The following DIXDC1 variants were observed in gnomAD, a reference collection of about 807,000 sequenced individuals.
DIXDC1 encodes the protein DIX domain containing 1, also known as dixin.
In DIXDC1, 64 loss-of-function variants were observed where a neutral mutation model predicts 103.1. That is an observed-to-expected ratio of 0.62 (90% CI 0.51 to 0.76). DIXDC1 has a LOEUF of 0.76. DIXDC1 is among the 30% of genes least tolerant of loss of function. The probability of loss-of-function intolerance (pLI) is 0.00; values close to 1 mark genes in which losing one functional copy is unlikely to be tolerated. For missense variants in DIXDC1, 759 were observed against 834.2 expected (o/e 0.91, Z 1.11); for synonymous variants, 266 against 298.5 (o/e 0.89, Z 1.12).
At chr11:112,006,308 A>G (rs587656905) in intron 17 of DIXDC1, among the ~76,000 whole-genome samples, 13 of 152,172 alleles carry the variant, frequency 8.5e-5, no homozygotes, top group African/African-American at 1.4e-4. Flanking sequence ...GGAGCCCACC[A>G]CAGCTCAGCT....
At chr11:111,940,369 C>T (rs1966378021) in intron 1 of DIXDC1, among the ~76,000 whole-genome samples, 1 of 152,228 alleles carries the variant, frequency 6.6e-6, no homozygotes, top group African/African-American at 2.4e-5. Context: ...TACTGCCACC[C>T]TGGCTGTCAT....
chr11:111,942,991 T>C (rs1304923765), intron 1 of DIXDC1, among the ~76,000 whole-genome samples: 1 of 152,150 alleles, frequency 6.6e-6, no homozygotes, highest in Non-Finnish European at 1.5e-5. Context: ...GTCGTTCCAA[T>C]AAGAAGATGA....
At chr11:111,994,342 C>T (rs1860806421) in intron 14 of DIXDC1, among the ~76,000 whole-genome samples, 1 of 151,980 alleles carries the variant, frequency 6.6e-6, no homozygotes, top group Non-Finnish European at 1.5e-5. Flanking sequence ...GAGCTGAGAT[C>T]ATGCCACTGC....
intron 15 of DIXDC1, 88 bp from the exon 16 acceptor site, chr11:111,995,315 C>T (rs1454216766): frequency 1.3e-6 from 2 of 1,540,878 alleles, no homozygotes; most frequent in Non-Finnish European, 1.8e-6. Context: ...GAAAAATCTT[C>T]TGGAAACTTC....
At chr11:111,952,188 T>C (rs1966837771) in intron 1 of DIXDC1, among the ~76,000 whole-genome samples, 1 of 152,086 alleles carries the variant, frequency 6.6e-6, no homozygotes, top group African/African-American at 2.4e-5. Context: ...TTCTTCCCAG[T>C]CTCGGGTATG....
At chr11:111,971,881 C>T (rs1429030016) in intron 3 of DIXDC1, among the ~76,000 whole-genome samples, 1 of 152,072 alleles carries the variant, frequency 6.6e-6, no homozygotes, top group African/African-American at 2.4e-5. Context: ...AAATCAAACA[C>T]CATTATGTTC....
chr11:111,972,142 AACAAAC>A, intron 3 of DIXDC1, among the ~76,000 whole-genome samples: 1 of 152,344 alleles, frequency 6.6e-6, no homozygotes, highest in South Asian at 2.1e-4. Context: ...AAAGAAAAAA[AACAAAC>A]ACAAATAATC....
chr11:111,937,015 A>C (rs797030002), upstream of DIXDC1, among the ~76,000 whole-genome samples: 30 of 127,606 alleles, frequency 2.4e-4, no homozygotes, highest in African/African-American at 8.5e-4. Context: ...GTATGTGTGT[A>C]TGTGTGTGTG....
At chr11:111,928,241 C>T (rs1965894223) in intron 1 of DIXDC1, among the ~76,000 whole-genome samples, 2 of 151,982 alleles carry the variant, frequency 1.3e-5, no homozygotes, top group African/African-American at 4.8e-5. Flanking sequence ...AACTCTGTAG[C>T]CTATTTTCTA....
intron 2 of DIXDC1, chr11:111,930,009 G>A (rs1965962061): frequency 1.8e-6 from 2 of 1,119,496 alleles, no homozygotes; most frequent in Admixed American, 5.6e-5. Flanking sequence ...CTCAGATCCT[G>A]GAACAGAATT....
At chr11:112,013,216 C>T (rs782800819) in intron 17 of DIXDC1, among the ~76,000 whole-genome samples, 6 of 149,622 alleles carry the variant, frequency 4.0e-5, no homozygotes, top group Non-Finnish European at 7.4e-5. Context: ...AGGGCTCCAC[C>T]CGTATGACCT....
chr11:111,961,542 G>C (rs1859577348), intron 1 of DIXDC1, among the ~76,000 whole-genome samples: 1 of 152,226 alleles, frequency 6.6e-6, no homozygotes, highest in South Asian at 2.1e-4. Context: ...GTTCTGAAAA[G>C]TGACTATTAC....
Position 111,974,230 on chromosome 11 carries a change from G to A in DIXDC1, c.524G>A (p.Arg175Gln), listed in dbSNP as rs782295817. 23 of 1,613,526 alleles carry A rather than the reference G, an allele frequency of 1.4e-5. No individual in the cohort carries two copies. The highest frequency in any genetic ancestry group is 1.9e-5 in the Non-Finnish European group (22 of 1,179,818). The change falls in exon 4 of 20, where the codon CGG becomes CAG. Residue 175 changes from arginine (R) to glutamine (Q), a missense_variant. Transcript: ENST00000440460. ...DVCHDMSRSGRDVFRYRQRNS... is the reference protein window; with the variant it reads ...DVCHDMSRSGQDVFRYRQRNS... ...TGTCATGACATGTCCCGATCAGGACGGGATGTCTTTCGATATAGACAGAGG... is the reference window on the plus strand; with the variant it reads ...TGTCATGACATGTCCCGATCAGGACAGGATGTCTTTCGATATAGACAGAGG...
chr11:112,013,385 A>T (rs1861491910), intron 17 of DIXDC1, among the ~76,000 whole-genome samples: 1 of 147,876 alleles, frequency 6.8e-6, no homozygotes, highest in South Asian at 2.1e-4. Flanking sequence ...TATTTATTTT[A>T]TTGTATGGTA....
At chr11:112,006,093 C>T (rs2081508) in intron 17 of DIXDC1, among the ~76,000 whole-genome samples, 53,543 of 152,048 alleles carry the variant, frequency 0.35, 9,763 homozygotes, top group East Asian at 0.58. Flanking sequence ...AAATACTGCG[C>T]GTTTTCAACA....
intron 17 of DIXDC1, among the ~76,000 whole-genome samples, chr11:112,004,090 G>GTA (rs200194840): frequency 0.066 from 9,551 of 145,364 alleles, 1,018 homozygotes; most frequent in African/African-American, 0.21. Context: ...GTGTATATGT[G>GTA]TATATATATG....
rs147021950 is a variant in DIXDC1, at chr11:112,019,021, C to T, written c.2037C>T (p.Asp679=). The T allele has an allele frequency of 1.6e-3, 2,526 of 1,612,450 alleles. 46 individuals are homozygous for T. Among genetic ancestry groups the T allele is most frequent in the Non-Finnish European group, 1.6e-4 (183 of 1,178,888 alleles). ...EGKIVAWVEE[D]HGEN ...AAATTGTAGCTTGGGTGGAAGAAGA[C>T]CATGGAGAGAATTAATGCCAAGTAT... Residue 679 remains aspartate, a synonymous_variant, in exon 20 of 20, where the codon GAC becomes GAT. Coordinates refer to ENST00000440460, the MANE Select transcript of DIXDC1 (RefSeq NM_001037954.4).
intron 3 of DIXDC1, among the ~76,000 whole-genome samples, chr11:111,970,474 A>G (rs1485291626): frequency 2.6e-5 from 4 of 152,118 alleles, no homozygotes; most frequent in African/African-American, 4.8e-5. Flanking sequence ...CTAGGAATAC[A>G]TCTAACCAAA....
At position 111,993,720 on chromosome 11, in the gene DIXDC1, A is replaced by C. The variant is rs782796556; in HGVS notation, c.1417A>C (p.Met473Leu). 6.2e-7 allele frequency: 1 copy of C among 1,614,038 alleles called. No homozygotes were observed. Among genetic ancestry groups the C allele is most frequent in the Non-Finnish European group, 8.5e-7 (1 of 1,179,902 alleles). ...EHKDVLLAHC[M>L]KREADEATNY... is the part of the protein sequence containing the mutation. ...CAAAGATGTCCTCTTGGCTCACTGT[A>C]TGAAAAGAGAGGCAGATGAGGTAAC... Residue 473 changes from methionine to leucine, a missense_variant, in exon 14 of 20, where the codon ATG (methionine) becomes CTG (leucine). This residue lies in a region of DIXDC1 where 657 missense variants were observed against 727.5 expected (regional missense o/e 0.90). Transcript: ENST00000440460.
Sources: gnomAD v4.1 joint callset for allele counts (sites outside exome capture counted in the v4.1 genomes callset) on GRCh38, gnomAD v4.1.1 for gene constraint, gnomAD v4.1.1 regional missense constraint, MANE v1.5 for transcripts, NCBI Gene and HGNC (gene_info 2026-07-23, HGNC 2026-07-21) for gene names.